Variants in DENND5B observed in about 807,000 individuals in gnomAD.
DENND5B encodes DENN domain-containing protein 5B.
In DENND5B, 34 loss-of-function variants were observed where a neutral mutation model predicts 140.6. That is an observed-to-expected ratio of 0.24 (90% CI 0.18 to 0.32). The LOEUF is 0.32. Ranked by LOEUF, DENND5B falls within the 10% of genes least tolerant of loss-of-function variation. DENND5B has a pLI of 1.00. For synonymous variants in DENND5B, 551 were observed against 562.1 expected (o/e 0.98, Z 0.28); for missense variants, 1,142 against 1,560.2 (o/e 0.73, Z 4.52).
At chr12:31,487,613 A>G (rs1946360934) in intron 2 of DENND5B, among the ~76,000 whole-genome samples, 1 of 152,148 alleles carries the variant, frequency 6.6e-6, no homozygotes, top group African/African-American at 2.4e-5. Context: ...GAGGCACGAG[A>G]ATCGCATGAA....
intron 7 of DENND5B, among the ~76,000 whole-genome samples, chr12:31,440,520 G>C (rs186053488): frequency 6.6e-6 from 1 of 152,184 alleles, no homozygotes; most frequent in Non-Finnish European, 1.5e-5. Flanking sequence ...CCAAGACTTT[G>C]GTATAAACGT....
intron 1 of DENND5B, among the ~76,000 whole-genome samples, chr12:31,559,109 A>G (rs951614531): frequency 6.6e-6 from 1 of 152,236 alleles, no homozygotes; most frequent in African/African-American, 2.4e-5. Context: ...TAAACTTTCT[A>G]CCATCCTCGT....
At chr12:31,523,843 G>A (rs528388313) in intron 1 of DENND5B, among the ~76,000 whole-genome samples, 2 of 152,302 alleles carry the variant, frequency 1.3e-5, no homozygotes, top group East Asian at 3.9e-4. Context: ...TGAATCCTAA[G>A]ACTGCTGTGA....
At chr12:31,424,803 G>C (rs1221966752) in intron 9 of DENND5B, 116 bp from the exon 10 acceptor site, 2 of 1,342,592 alleles carry the variant, frequency 1.5e-6, no homozygotes, top group African/African-American at 2.9e-5. Flanking sequence ...TTGCAGATTT[G>C]TAATCACCTT....
chr12:31,429,065 G>A (rs141705861), intron 8 of DENND5B, among the ~76,000 whole-genome samples: 1 of 151,492 alleles, frequency 6.6e-6, no homozygotes, highest in East Asian at 2.0e-4. Context: ...TAAGAGACGG[G>A]GTTTCATCAT....
chr12:31,516,665 A>G (rs886171405), intron 1 of DENND5B, among the ~76,000 whole-genome samples: 1 of 152,184 alleles, frequency 6.6e-6, no homozygotes, highest in Non-Finnish European at 1.5e-5. Flanking sequence ...TCTGACTGCC[A>G]TTAACACCTA....
intron 2 of DENND5B, 140 bp downstream of exon 2, chr12:31,495,670 C>T: frequency 1.4e-6 from 1 of 726,012 alleles, no homozygotes; most frequent in Non-Finnish European, 2.1e-6. Flanking sequence ...GCCACCACAC[C>T]CGGCCTCACA....
intron 1 of DENND5B, among the ~76,000 whole-genome samples, chr12:31,504,867 A>G (rs949332602): frequency 6.6e-5 from 10 of 152,318 alleles, no homozygotes; most frequent in African/African-American, 2.4e-4. Flanking sequence ...CACACAATCT[A>G]TCTTTCCTCT....
chr12:31,478,017 A>ATT (rs142172766), intron 3 of DENND5B: 14 of 165,882 alleles, frequency 8.4e-5, no homozygotes, highest in South Asian at 1.7e-4. Context: ...TAAAAAATGG[A>ATT]TTTTTTTTTT....
At chr12:31,525,610 T>C (rs1194795058) in intron 1 of DENND5B, among the ~76,000 whole-genome samples, 3 of 152,206 alleles carry the variant, frequency 2.0e-5, no homozygotes, top group African/African-American at 7.2e-5. Context: ...CACAACTCTG[T>C]GAATATATGC....
intron 3 of DENND5B, among the ~76,000 whole-genome samples, chr12:31,470,125 T>TC (rs1565611539): frequency 1.1e-4 from 16 of 144,790 alleles, no homozygotes; most frequent in Non-Finnish European, 3.0e-5. Context: ...TTTTTTTTTT[T>TC]TTTCTTTGGA....
At chr12:31,473,646 T>C (rs1485435206) in intron 3 of DENND5B, among the ~76,000 whole-genome samples, 6 of 152,190 alleles carry the variant, frequency 3.9e-5, no homozygotes, top group Admixed American at 3.9e-4. Flanking sequence ...ACTTTCCATT[T>C]CAGAGGCAAC....
chr12:31,468,733 C>T (rs890176228), intron 3 of DENND5B, among the ~76,000 whole-genome samples: 4 of 152,050 alleles, frequency 2.6e-5, no homozygotes. Context: ...ATTGCCTGAG[C>T]CCAGGGAGGT....
chr12:31,452,882 A>G (rs547803992), intron 4 of DENND5B, among the ~76,000 whole-genome samples: 16 of 152,280 alleles, frequency 1.1e-4, no homozygotes, highest in African/African-American at 3.1e-4. Flanking sequence ...TTTTCTAACA[A>G]TTGGCATCCA....
At chr12:31,532,244 T>C (rs1591993370) in intron 1 of DENND5B, among the ~76,000 whole-genome samples, 1 of 152,256 alleles carries the variant, frequency 6.6e-6, no homozygotes, top group Admixed American at 6.5e-5. Flanking sequence ...TAAAGAATAA[T>C]TAGTCATTAA....
intron 3 of DENND5B, among the ~76,000 whole-genome samples, chr12:31,477,007 T>C (rs1465935303): frequency 6.6e-6 from 1 of 152,086 alleles, no homozygotes. Context: ...GGCGAGTGGA[T>C]CATGAGGTCA....
At chr12:31,587,235 T>A (rs76388709) in intron 1 of DENND5B, among the ~76,000 whole-genome samples, 3,114 of 152,316 alleles carry the variant, frequency 0.02, 56 homozygotes, top group South Asian at 0.052. Flanking sequence ...GACATCTCCA[T>A]TTGAATGTCT....
intron 1 of DENND5B, among the ~76,000 whole-genome samples, chr12:31,550,942 A>T (rs1949036571): frequency 1.3e-5 from 2 of 151,990 alleles, no homozygotes; most frequent in East Asian, 1.9e-4. Flanking sequence ...GTTTGAGTTC[A>T]TTGTAGATTC....
intron 5 of DENND5B, 85 bp downstream of exon 5, chr12:31,451,855 C>T: frequency 6.8e-7 from 1 of 1,462,722 alleles, no homozygotes; most frequent in South Asian, 1.3e-5. Context: ...TAAGCATAGG[C>T]ACAGAAGAAT....
Sources: gnomAD v4.1 joint callset for allele counts (sites outside exome capture counted in the v4.1 genomes callset) on GRCh38, gnomAD v4.1.1 for gene constraint, MANE v1.5 for transcripts, NCBI Gene and HGNC (gene_info 2026-07-23, HGNC 2026-07-21) for gene names.